Variants in PRAG1 observed in about 807,000 individuals in gnomAD.
PRAG1 encodes PEAK1 related, kinase-activating pseudokinase 1.
In PRAG1, 110 loss-of-function variants were observed where a neutral mutation model predicts 95.6. The ratio of observed to expected loss-of-function variants is 1.15; its 90% CI spans 0.99 to 1.35. PRAG1 has a LOEUF of 1.35. Among genes scored for constraint, PRAG1 ranks in the 40% most tolerant of loss-of-function variants. PRAG1 has a pLI of 0.00. For missense variants in PRAG1, 2,554 were observed against 1,864.7 expected, an observed-to-expected ratio of 1.37 and a Z score of -6.81; for synonymous variants, 1,052 against 819.4, an observed-to-expected ratio of 1.28 and a Z score of -4.85.
At chr8:8,334,442 A>AC (rs1399623748) in intron 4 of PRAG1, among the ~76,000 whole-genome samples, 2 of 151,866 alleles carry the variant, frequency 1.3e-5, no homozygotes, top group Non-Finnish European at 2.9e-5. Context: ...TCTCAAAAAA[A>AC]AAAAAGCATT....
At chr8:8,339,446 C>T in intron 4 of PRAG1, 32 bp downstream of exon 4, 1 of 1,609,818 alleles carries the variant, frequency 6.2e-7, no homozygotes, top group East Asian at 2.2e-5. Context: ...CCAGGAGAAT[C>T]TAAGCCTCTC....
chr8:8,328,525 G>C, intron 4 of PRAG1, 64 bp from the exon 5 acceptor site: 1 of 1,438,560 alleles, frequency 7.0e-7, no homozygotes, highest in Non-Finnish European at 9.4e-7. Flanking sequence ...GGGTCCTGCA[G>C]ACTTGTTTCC....
At chr8:8,367,530 T>C (rs1800050470) in intron 3 of PRAG1, among the ~76,000 whole-genome samples, 1 of 145,172 alleles carries the variant, frequency 6.9e-6, no homozygotes, top group African/African-American at 2.5e-5. Flanking sequence ...CCACGCTGAC[T>C]GCTTTTAAAA....
Position 8,377,222 on chromosome 8 carries a change from T to A in PRAG1, c.1187A>T (p.Glu396Val). Residue 396 changes from glutamate (E) to valine (V), a missense_variant, in exon 3 of 6, where the codon GAG becomes GTG. Coordinates refer to ENST00000615670, the MANE Select transcript of PRAG1 (RefSeq NM_001080826.3). ...CCGGGGGTGGGCCGGGGGCTGGGGC[T>A]CCCCCGTCAGCCCAAGGCATCTGCT... is the stretch of plus-strand genomic sequence containing the variant. ...TPSRCLGLTG[E>V]PQPPAHPREA... 1 of 1,612,124 alleles carries A rather than the reference T, an allele frequency of 6.2e-7. No individual in the cohort carries two copies. The highest frequency in any genetic ancestry group is 8.5e-7 in the Non-Finnish European group (1 of 1,179,788).
intron 3 of PRAG1, among the ~76,000 whole-genome samples, chr8:8,348,112 T>G (rs1263816982): frequency 6.6e-6 from 1 of 152,188 alleles, no homozygotes; most frequent in Non-Finnish European, 1.5e-5. Flanking sequence ...ACACAGGGTT[T>G]CTCCATGTTG....
intron 3 of PRAG1, among the ~76,000 whole-genome samples, chr8:8,365,366 G>C (rs753060540): frequency 2.0e-5 from 3 of 152,286 alleles, no homozygotes; most frequent in Admixed American, 6.5e-5. Flanking sequence ...GCTCACACCT[G>C]TAATCCCAAC....
At chr8:8,328,594 T>G in intron 4 of PRAG1, 133 bp from the exon 5 acceptor site, 1 of 1,002,964 alleles carries the variant, frequency 1.0e-6, no homozygotes, top group African/African-American at 1.6e-5. Context: ...CTTTTCTATT[T>G]CTCTAATAGA....
chr8:8,384,262 T>C (rs2976956), intron 1 of PRAG1, among the ~76,000 whole-genome samples: 111,145 of 151,810 alleles, frequency 0.73, 41,263 homozygotes, highest in East Asian at 1. Flanking sequence ...GACATTGGTA[T>C]CAGAGGCCCT....
chr8:8,319,249 G>A lies in PRAG1; in HGVS notation c.3126C>T (p.Pro1042=), dbSNP rs754002070. The A allele has an allele frequency of 1.8e-5, 27 of 1,541,286 alleles. No homozygotes were observed. The highest frequency in any genetic ancestry group is 9.3e-5 in the Admixed American group (5 of 53,574). ...AGTCCTGCTGGATGTTAAAGTGCAC[G>A]GGCACGGACGGGCTGCAGTAGGAGA... is the stretch of plus-strand genomic sequence containing the variant. ...KTVSYCSPSV[P]VHFNIQQDCG... The change falls in exon 6 of 6, where the codon CCC becomes CCT. Residue 1042 remains proline (P), a synonymous_variant. Transcript: ENST00000615670.
chr8:8,345,038 A>T (rs1799286353), intron 3 of PRAG1, among the ~76,000 whole-genome samples: 1 of 133,546 alleles, frequency 7.5e-6, no homozygotes, highest in Non-Finnish European at 1.7e-5. Flanking sequence ...AGGATAAATT[A>T]TCCGCAGGGT....
Position 8,377,424 on chromosome 8 carries a change from A to G in PRAG1, c.985T>C (p.Ser329Pro), listed in dbSNP as rs747851996. Reference sequence around the variant, plus strand: ...GAAATGGCAGCCTCCGAGGTGAGGGACAGTTTCTTGGGGCCCAGGCAGGAT... The same window carrying G: ...GAAATGGCAGCCTCCGAGGTGAGGGGCAGTTTCTTGGGGCCCAGGCAGGAT... ...HPSCLGPKKL[S>P]LTSEAAISSD... is the part of the protein sequence containing the mutation. Residue 329 changes from serine to proline, a missense_variant, in exon 3 of 6, where the codon TCC (serine) becomes CCC (proline). By Grantham distance (74) the Ser-to-Pro change is moderately conservative. Coordinates refer to ENST00000615670, the MANE Select transcript of PRAG1 (RefSeq NM_001080826.3). 6.4e-7 allele frequency: 1 copy of G among 1,564,744 alleles called. No individual in the cohort carries two copies. The highest frequency in any genetic ancestry group is 8.6e-7 in the Non-Finnish European group (1 of 1,156,524).
rs578085484 is a variant in PRAG1, at chr8:8,365,785, A to G, written c.2162+10462T>C. ...TGGGACCAGCCTGGCCAATGTGGTGAAACCCTATATATATATATATACACA... is the reference window on the plus strand; with the variant it reads ...TGGGACCAGCCTGGCCAATGTGGTGGAACCCTATATATATATATATACACA... On this transcript the variant is annotated intron_variant, in intron 3 of 5. Coordinates refer to ENST00000615670, the MANE Select transcript of PRAG1 (RefSeq NM_001080826.3). Among the ~76,000 whole-genome samples, 239 of 136,282 alleles carry G rather than the reference A, an allele frequency of 1.8e-3. 1 individual carries two copies. The highest frequency in any genetic ancestry group is 5.3e-3 in the African/African-American group (192 of 36,042). The allele number at this position is 136,282 out of a possible 152,430, so 89.4% of individuals were successfully genotyped here.
chr8:8,324,863 T>C (rs1024856217), intron 5 of PRAG1, among the ~76,000 whole-genome samples: 13 of 150,606 alleles, frequency 8.6e-5, no homozygotes, highest in African/African-American at 3.3e-4. Context: ...ACACAACTAA[T>C]GATTTTTTTT....
intron 4 of PRAG1, among the ~76,000 whole-genome samples, chr8:8,339,246 T>C (rs542753670): frequency 1.3e-5 from 2 of 152,340 alleles, no homozygotes; most frequent in Non-Finnish European, 2.9e-5. Flanking sequence ...CCTCCCACCA[T>C]GTTGCCACGT....
chr8:8,345,934 A>G (rs913275442), intron 3 of PRAG1, among the ~76,000 whole-genome samples: 6 of 152,252 alleles, frequency 3.9e-5, no homozygotes, highest in Admixed American at 2.0e-4. Context: ...AAACCACATC[A>G]AATTAAAAAA....
At chr8:8,340,830 TAAATCTGTCAAAA>T (rs916850874) in intron 3 of PRAG1, among the ~76,000 whole-genome samples, 38 of 152,118 alleles carry the variant, frequency 2.5e-4, no homozygotes, top group African/African-American at 8.4e-4. Flanking sequence ...TAAACTGTGT[TAAATCTGTCAAAA>T]AAAAAAATGT....
At chr8:8,324,444 C>T (rs1432308680) in intron 5 of PRAG1, among the ~76,000 whole-genome samples, 3 of 151,888 alleles carry the variant, frequency 2.0e-5, no homozygotes, top group Non-Finnish European at 2.9e-5. Context: ...GAGAAGGCTG[C>T]GTTGGGCGCA....
chr8:8,338,551 C>T (rs1229957685), intron 4 of PRAG1, among the ~76,000 whole-genome samples: 1 of 152,228 alleles, frequency 6.6e-6, no homozygotes. Context: ...GTTGTTGCTA[C>T]ATTCCTCCCA....
chr8:8,331,868 C>G (rs1798830366), intron 4 of PRAG1, among the ~76,000 whole-genome samples: 1 of 152,200 alleles, frequency 6.6e-6, no homozygotes, highest in Non-Finnish European at 1.5e-5. Context: ...TTGGGTAAAT[C>G]TGACAAGGGG....
Sources: allele counts gnomAD v4.1 joint callset (sites outside exome capture counted in the v4.1 genomes callset), GRCh38; gene constraint gnomAD v4.1.1; transcripts MANE v1.5; gene names NCBI Gene and HGNC (gene_info 2026-07-23, HGNC 2026-07-21).